IL22RA2: variants seen among roughly 807,000 people sequenced by gnomAD.
The protein encoded by IL22RA2 is interleukin-22 receptor subunit alpha-2.
Under a neutral mutation model 30.7 loss-of-function variants are expected in IL22RA2, and 39 were observed. The observed-to-expected ratio is 1.27, with a 90% CI of 0.98 to 1.66. IL22RA2 has a LOEUF of 1.66. IL22RA2 is among the 40% of genes most tolerant of loss of function. IL22RA2 has a pLI of 0.00. For synonymous variants in IL22RA2, 103 were observed against 105.0 expected (o/e 0.98, Z 0.11); for missense variants, 315 against 312.7 (o/e 1.01, Z -0.05).
In IL22RA2 at chr6:137,144,263, G is replaced by A. The variant is rs910137993; in HGVS notation, c.*1361C>T. The A allele has an allele frequency of 1.3e-5, 2 of 152,110 alleles. No homozygotes were observed. Among genetic ancestry groups the A allele is most frequent in the Non-Finnish European group, 2.9e-5 (2 of 68,010 alleles). 9.4% of individuals were successfully genotyped at this position (152,110 alleles called of 1,614,324 possible). On this transcript the variant is annotated 3_prime_UTR_variant, in exon 7 of 7. Transcript: ENST00000296980. ...TTTTCTGAGCATACAGGGAAGCAAG[G>A]AAACCAATTCTCTAGCTCTTGCTCT...
rs140545983 is a variant in IL22RA2, at chr6:137,158,404, C to A, written c.140G>T (p.Trp47Leu). 1.2e-6 allele frequency: 2 copies of A among 1,614,050 alleles called. No homozygotes were observed. The highest frequency in any genetic ancestry group is 2.7e-5 in the African/African-American group (2 of 74,932). ...GCCAGTAAGTGCCCTCCCAGGCTGC[C>A]ATTGCAAAATGTTGTGAAAATTTCG... ...QSRNFHNILQ[W>L]QPGRALTGNS... The change falls in exon 3 of 7, where the codon TGG (tryptophan) becomes TTG (leucine). Residue 47 changes from tryptophan (W) to leucine (L), a missense_variant. Coordinates refer to ENST00000296980, the MANE Select transcript of IL22RA2 (RefSeq NM_052962.3).
intron 1 of IL22RA2, among the ~76,000 whole-genome samples, chr6:137,172,297 G>A (rs777746148): frequency 3.3e-5 from 5 of 152,166 alleles, no homozygotes; most frequent in Non-Finnish European, 5.9e-5. Context: ...GAAATTAGGC[G>A]GAGTGGGATA....
chr6:137,170,775 G>A (rs1383754383), intron 1 of IL22RA2, among the ~76,000 whole-genome samples: 4 of 152,060 alleles, frequency 2.6e-5, no homozygotes, highest in Non-Finnish European at 5.9e-5. Flanking sequence ...ATTCAGAAGG[G>A]ATGTATATGA....
Position 137,144,889 on chromosome 6 carries a change from C to G in IL22RA2, c.*735G>C, listed in dbSNP as rs1014078841. On this transcript the variant is annotated 3_prime_UTR_variant, in exon 7 of 7. Transcript: ENST00000296980. The stretch of plus-strand genomic sequence containing the variant: ...AGACAGGATTAAAAACTAAACAAAA[C>G]AAAAACAAACAGAAAAGAAAAGCTT... The G allele has an allele frequency of 6.6e-6, 1 of 151,994 alleles. No homozygotes were observed. The highest frequency in any genetic ancestry group is 6.6e-5 in the Admixed American group (1 of 15,260). The allele number at this position is 151,994 out of a possible 1,614,324, so 9.4% of individuals were successfully genotyped here.
rs549486124 is a variant in IL22RA2 at position 137,154,177 on chromosome 6, A to G, written c.472+764T>C. 3.0e-3 allele frequency among the ~76,000 whole-genome samples: 462 copies of G among 152,340 alleles called. 1 individual carries two copies. Among genetic ancestry groups the G allele is most frequent in the Non-Finnish European group, 5.1e-3 (344 of 68,014 alleles). On this transcript the variant is annotated intron_variant, in intron 5 of 6. Transcript: ENST00000296980. ...TATCCTTCAGGATGGATACTGAGAA[A>G]GCACTTTTGGTCTGCCTTTTTGGGG...
At chr6:137,146,757 C>G (rs747915863) in intron 6 of IL22RA2, among the ~76,000 whole-genome samples, 1 of 152,176 alleles carries the variant, frequency 6.6e-6, no homozygotes, top group Non-Finnish European at 1.5e-5. Flanking sequence ...GTTTGGGAGG[C>G]CAAGGCAGGC....
chr6:137,162,397 G>A (rs1241670927), intron 1 of IL22RA2, among the ~76,000 whole-genome samples: 1 of 152,098 alleles, frequency 6.6e-6, no homozygotes, highest in Non-Finnish European at 1.5e-5. Flanking sequence ...ACTCCATAGT[G>A]GTCCTGGGCT....
Position 137,144,946 on chromosome 6 carries a change from A to G in IL22RA2, c.*678T>C, listed in dbSNP as rs1363488322. 6.6e-6 allele frequency: 1 copy of G among 152,186 alleles called. No homozygotes were observed. The highest frequency in any genetic ancestry group is 2.4e-5 in the African/African-American group (1 of 41,460). The allele number at this position is 152,186 out of a possible 1,614,324, so 9.4% of individuals were successfully genotyped here. A position where few individuals can be genotyped will look rare whatever the true frequency, so the allele number is the denominator to read the frequency against. Reference sequence around the variant, plus strand: ...TCTTTTAAATGAGGGACAATTGTACAGAGCAGACTTCCTTGTTGTTGATAG... The same window carrying G: ...TCTTTTAAATGAGGGACAATTGTACGGAGCAGACTTCCTTGTTGTTGATAG... On this transcript the variant is annotated 3_prime_UTR_variant, in exon 7 of 7. Transcript: ENST00000296980.
At chr6:137,163,760 G>T (rs1330883150) in intron 1 of IL22RA2, among the ~76,000 whole-genome samples, 1 of 152,220 alleles carries the variant, frequency 6.6e-6, no homozygotes, top group Non-Finnish European at 1.5e-5. Flanking sequence ...CCAGACGTAA[G>T]TGGGGCTCAT....
chr6:137,158,507 C>T (rs376997317), intron 2 of IL22RA2, 25 bp from the exon 3 acceptor site: 1 of 1,612,752 alleles, frequency 6.2e-7, no homozygotes, highest in Non-Finnish European at 8.5e-7. Flanking sequence ...GAAGGAAGAA[C>T]ATTGAACGTT....
At chr6:137,159,145 A>C (rs952316538) in intron 2 of IL22RA2, among the ~76,000 whole-genome samples, 1 of 152,206 alleles carries the variant, frequency 6.6e-6, no homozygotes, top group Non-Finnish European at 1.5e-5. Flanking sequence ...ATGGCATGGC[A>C]TGGGATAATT....
At chr6:137,166,086 A>G (rs950740144) in intron 1 of IL22RA2, among the ~76,000 whole-genome samples, 2 of 152,246 alleles carry the variant, frequency 1.3e-5, no homozygotes, top group African/African-American at 4.8e-5. Flanking sequence ...AGCTGAAAAG[A>G]CTTAAAGGAC....
At chr6:137,164,364 A>G (rs1778585811) in intron 1 of IL22RA2, among the ~76,000 whole-genome samples, 2 of 152,328 alleles carry the variant, frequency 1.3e-5, no homozygotes, top group African/African-American at 4.8e-5. Flanking sequence ...CTGGCTAAGT[A>G]TAATTCAGAC....
At chr6:137,154,606 C>G (rs1247301906) in intron 5 of IL22RA2, among the ~76,000 whole-genome samples, 1 of 148,578 alleles carries the variant, frequency 6.7e-6, no homozygotes, top group South Asian at 2.2e-4. Flanking sequence ...CAAAGCGAGA[C>G]CCTGTCACAC....
chr6:137,161,690 T>C lies in IL22RA2; in HGVS notation c.60A>G (p.Ala20=). 1 of 1,612,382 alleles carries C rather than the reference T, an allele frequency of 6.2e-7. No individual in the cohort carries two copies. Among genetic ancestry groups the C allele is most frequent in the Non-Finnish European group, 8.5e-7 (1 of 1,178,606 alleles). The change falls in exon 2 of 7, where the codon GCA becomes GCG. Residue 20 remains alanine, a splice_region_variant and synonymous_variant. Transcript: ENST00000296980. ...FLISFFLTGV[A]GTQSTHESLK... ...ATTAAAAAGAAACAAAGCACTTACC[T>C]GCTACACCAGTAAGGAAGAAACTGA...
At chr6:137,173,205 G>A (rs571435046) in intron 1 of IL22RA2, among the ~76,000 whole-genome samples, 172 of 152,178 alleles carry the variant, frequency 1.1e-3, no homozygotes, top group African/African-American at 3.8e-3. Context: ...AACCCCGTCT[G>A]TACTAAAAAT....
intron 2 of IL22RA2, 127 bp from the exon 3 acceptor site, chr6:137,158,609 G>C: frequency 1.1e-6 from 1 of 881,988 alleles, no homozygotes; most frequent in Non-Finnish European, 1.8e-6. Flanking sequence ...AGATAGTAGA[G>C]GTGGAGCCCA....
chr6:137,149,434 G>A (rs1209059209), intron 5 of IL22RA2, among the ~76,000 whole-genome samples: 1 of 152,098 alleles, frequency 6.6e-6, no homozygotes, highest in East Asian at 1.9e-4. Flanking sequence ...AAAGATCTCA[G>A]CAATTCATCT....
Position 137,144,830 on chromosome 6 carries a change from C to G in IL22RA2, c.*794G>C, listed in dbSNP as rs1488049690. On this transcript the variant is annotated 3_prime_UTR_variant, in exon 7 of 7. Transcript: ENST00000296980. ...TTCTTCTTTGTCACTAAAAAAATTA[C>G]ATTTAATTTTGAGAATAAAGATAAG... 6.6e-6 allele frequency: 1 copy of G among 152,162 alleles called. No individual in the cohort carries two copies. Among genetic ancestry groups the G allele is most frequent in the African/African-American group, 2.4e-5 (1 of 41,444 alleles). 9.4% of individuals were successfully genotyped at this position (152,162 alleles called of 1,614,324 possible).
Sources: allele counts gnomAD v4.1 joint callset (sites outside exome capture counted in the v4.1 genomes callset), GRCh38; gene constraint gnomAD v4.1.1; transcripts MANE v1.5; gene names NCBI Gene and HGNC (gene_info 2026-07-23, HGNC 2026-07-21).